ETNK1: variants seen among roughly 807,000 people sequenced by gnomAD.
ETNK1 encodes the protein putative protein product of Nbla10396.
A neutral mutation model predicts 45.1 loss-of-function variants in ETNK1; 8 were observed. That is an observed-to-expected ratio of 0.18 (90% CI 0.10 to 0.32). The LOEUF (loss-of-function observed/expected upper bound fraction) is 0.32, where lower values mean the gene tolerates loss of function less well. Among genes scored for constraint, ETNK1 ranks in the 10% least tolerant of loss-of-function variants. The probability of loss-of-function intolerance (pLI) is 1.00; values close to 1 mark genes in which losing one functional copy is unlikely to be tolerated. For missense variants in ETNK1, 302 were observed against 430.6 expected, an observed-to-expected ratio of 0.70 and a Z score of 2.64; for synonymous variants, 152 against 151.9, an observed-to-expected ratio of 1.00 and a Z score of -0.01.
chr12:22,644,341 G>T, intron 2 of ETNK1: 13 of 1,518,732 alleles, frequency 8.6e-6, no homozygotes, highest in Non-Finnish European at 1.2e-5. Flanking sequence ...ATTTCTTACT[G>T]CCGATTGCTT....
At chr12:22,635,163 G>C (rs1953638695) in intron 1 of ETNK1, among the ~76,000 whole-genome samples, 2 of 152,194 alleles carry the variant, frequency 1.3e-5, no homozygotes, top group African/African-American at 4.8e-5. Context: ...CTCACAGCCT[G>C]TGCTGGACCT....
intron 1 of ETNK1, chr12:22,625,890 T>G: frequency 3.1e-6 from 2 of 637,402 alleles, no homozygotes; most frequent in South Asian, 3.0e-5. Context: ...CACTCCCCAG[T>G]CCACGGTCAC....
chr12:22,637,604 ATTCCTT>A (rs1295732682), intron 1 of ETNK1, among the ~76,000 whole-genome samples: 3 of 152,184 alleles, frequency 2.0e-5, no homozygotes, highest in Non-Finnish European at 2.9e-5. Context: ...TCCTATTCCC[ATTCCTT>A]GAGGGCTTTA....
intron 1 of ETNK1, among the ~76,000 whole-genome samples, chr12:22,638,219 CT>C (rs1953680008): frequency 6.6e-6 from 1 of 151,252 alleles, no homozygotes; most frequent in Non-Finnish European, 1.5e-5. Flanking sequence ...GACCTTTTAA[CT>C]TTTTTCCCCC....
rs770335916 is a variant in ETNK1, at chr12:22,643,754, T to G, written c.157-9T>G. ...TTTTTTTCCCATTTTTAAAAAAAAT[T>G]TTTGGCAGCTCTTCACAGATGGAAT... On this transcript the variant is annotated splice_polypyrimidine_tract_variant and intron_variant, in intron 1 of 7. Coordinates refer to ENST00000266517, the MANE Select transcript of ETNK1 (RefSeq NM_018638.5). The G allele has an allele frequency of 5.1e-6, 8 of 1,568,554 alleles. No individual in the cohort carries two copies. In the African/African-American group the frequency reaches 5.5e-5, roughly 11 times the overall value.
At chr12:22,661,262 C>T in intron 4 of ETNK1, 57 bp downstream of exon 4, 1 of 1,420,096 alleles carries the variant, frequency 7.0e-7, no homozygotes, top group Middle Eastern at 1.8e-4. Flanking sequence ...TCTTAATGGT[C>T]ATTTTATCTC....
rs757914471 is a variant in ETNK1, at chr12:22,661,126, T to C, written c.621T>C (p.Ile207=). Residue 207 remains isoleucine, a synonymous_variant, in exon 4 of 8, where the codon ATT becomes ATC. Transcript: ENST00000266517. The part of the protein sequence containing the change: ...LQEEMTWMKE[I]LSNLGSPVVL... ...AAGAGATGACTTGGATGAAGGAGATTCTTTCCAACCTGGGCTCACCTGTTG... is the reference window on the plus strand; with the variant it reads ...AAGAGATGACTTGGATGAAGGAGATCCTTTCCAACCTGGGCTCACCTGTTG... The C allele has an allele frequency of 6.2e-7, 1 of 1,612,814 alleles. No homozygotes were observed.
chr12:22,665,969 A>G (rs1165869511), intron 4 of ETNK1, among the ~76,000 whole-genome samples: 1 of 152,110 alleles, frequency 6.6e-6, no homozygotes, highest in Non-Finnish European at 1.5e-5. Flanking sequence ...ATATATATAT[A>G]TGAGCATATG....
chr12:22,660,517 C>T (rs1449476741), intron 3 of ETNK1, among the ~76,000 whole-genome samples: 1 of 152,116 alleles, frequency 6.6e-6, no homozygotes, highest in Non-Finnish European at 1.5e-5. Context: ...TATAATAGTT[C>T]TGTTTTTAAC....
At chr12:22,662,508 C>T (rs1214569765) in intron 4 of ETNK1, among the ~76,000 whole-genome samples, 1 of 151,896 alleles carries the variant, frequency 6.6e-6, no homozygotes, top group East Asian at 1.9e-4. Context: ...AGTCCTCCTG[C>T]CCCAGTCCCC....
intron 1 of ETNK1, among the ~76,000 whole-genome samples, chr12:22,629,762 T>C (rs1439811565): frequency 2.0e-5 from 3 of 152,172 alleles, no homozygotes. Flanking sequence ...GTAAACAATA[T>C]ATTAGTTTAC....
rs1954262777 is a variant in ETNK1, at chr12:22,686,680, C to T, written c.*1726C>T. The T allele has an allele frequency of 6.6e-6, 1 of 152,032 alleles. No individual in the cohort carries two copies. Among genetic ancestry groups the T allele is most frequent in the East Asian group, 1.9e-4 (1 of 5,168 alleles). The allele number at this position is 152,032 out of a possible 1,614,324, so 9.4% of individuals were successfully genotyped here. A position where few individuals can be genotyped will look rare whatever the true frequency, so the allele number is the denominator to read the frequency against. On this transcript the variant is annotated 3_prime_UTR_variant, in exon 8 of 8. Coordinates refer to ENST00000266517, the MANE Select transcript of ETNK1 (RefSeq NM_018638.5). The stretch of plus-strand genomic sequence containing the variant: ...AATGTTCACTTTTGTTTTTATAAAC[C>T]ATATTACTGTAAGATCAATAGAACT...
intron 6 of ETNK1, among the ~76,000 whole-genome samples, chr12:22,675,125 G>C (rs925333868): frequency 1.3e-5 from 2 of 152,114 alleles, no homozygotes; most frequent in African/African-American, 2.4e-5. Flanking sequence ...CTGGAGTATA[G>C]TGATGTGATC....
intron 6 of ETNK1, among the ~76,000 whole-genome samples, chr12:22,674,445 C>T (rs1954140681): frequency 6.6e-6 from 1 of 152,104 alleles, no homozygotes; most frequent in African/African-American, 2.4e-5. Context: ...GTACCATATG[C>T]CCAGAGTTAC....
intron 2 of ETNK1, among the ~76,000 whole-genome samples, chr12:22,649,934 G>A (rs545702355): frequency 8.5e-5 from 13 of 152,056 alleles, no homozygotes; most frequent in African/African-American, 3.1e-4. Flanking sequence ...CTTTTTATCC[G>A]TGAACATGGA....
chr12:22,669,361 C>T lies in ETNK1; in HGVS notation c.701-1911C>T, dbSNP rs771165713. 4.6e-5 allele frequency among the ~76,000 whole-genome samples: 7 copies of T among 151,930 alleles called. No individual in the cohort carries two copies. The South Asian group carries it at 6.2e-4, about 13-fold the overall frequency. On this transcript the variant is annotated intron_variant, in intron 4 of 7. Transcript: ENST00000266517. ...AAAGAAAAAAGTCACTTGTCTATCA[C>T]CTGTTAATAGTTTAAACATTTTGGT...
chr12:22,673,495 TAAAG>T lies in ETNK1; in HGVS notation c.785-4_785-1del. ...TTTTTGAGTGTAGTTTTTTTTCTTC[TAAAG>T]GTGTGAGTGATGTAGACTATAGTCT... On this transcript the variant is annotated splice_acceptor_variant and splice_polypyrimidine_tract_variant and intron_variant, in intron 5 of 7. Transcript: ENST00000266517. LOFTEE classifies it high-confidence loss of function. The T allele has an allele frequency of 6.4e-7, 1 of 1,572,336 alleles. No individual in the cohort carries two copies. Among genetic ancestry groups the T allele is most frequent in the Admixed American group, 1.8e-5 (1 of 56,158 alleles).
chr12:22,628,525 G>T (rs1953534036), intron 1 of ETNK1, among the ~76,000 whole-genome samples: 1 of 152,116 alleles, frequency 6.6e-6, no homozygotes, highest in East Asian at 1.9e-4. Context: ...TGAAGATTTT[G>T]ATTTTTAATT....
rs988213646 is a variant in ETNK1 at position 22,684,551 on chromosome 12, C to T, written c.1014C>T (p.Phe338=). 6.2e-7 allele frequency: 1 copy of T among 1,600,064 alleles called. No homozygotes were observed. The highest frequency in any genetic ancestry group is 1.1e-5 in the South Asian group (1 of 89,670). The change falls in exon 7 of 8, where the codon TTC becomes TTT. Residue 338 remains phenylalanine (F), a synonymous_variant. Transcript: ENST00000266517. ...AATACTCCACTATTGAGTTTGATTT[C>T]CTTGGGTAAGTTAAATTTTATTATA... ...QAKYSTIEFD[F]LGYAIVRFNQ...
Sources: allele counts gnomAD v4.1 joint callset (sites outside exome capture counted in the v4.1 genomes callset), GRCh38; gene constraint gnomAD v4.1.1; transcripts MANE v1.5; gene names NCBI Gene and HGNC (gene_info 2026-07-23, HGNC 2026-07-21).